The following RORA variants were observed in gnomAD, a reference collection of about 807,000 sequenced individuals.
RORA encodes the protein RAR related orphan receptor A.
In RORA, 7 loss-of-function variants were observed where a neutral mutation model predicts 69.5. That is an observed-to-expected ratio of 0.10 (90% CI 0.06 to 0.19). The LOEUF (loss-of-function observed/expected upper bound fraction) is 0.19. Ranked by LOEUF, RORA falls within the 10% of genes least tolerant of loss-of-function variation. RORA has a pLI of 1.00. For missense variants in RORA, 457 were observed against 663.0 expected (o/e 0.69, Z 3.41); for synonymous variants, 261 against 240.8 (o/e 1.08, Z -0.78).
chr15:60,771,252 C>T (rs2072069143), intron 1 of RORA, among the ~76,000 whole-genome samples: 1 of 152,158 alleles, frequency 6.6e-6, no homozygotes, highest in African/African-American at 2.4e-5. Context: ...TTCCTTCTCT[C>T]GCCCTGGATT....
intron 2 of RORA, among the ~76,000 whole-genome samples, chr15:60,609,142 A>G (rs1025525236): frequency 2.0e-5 from 3 of 152,194 alleles, no homozygotes; most frequent in Non-Finnish European, 2.9e-5. Context: ...TTGCTTACCA[A>G]TAGCAGAAAG....
chr15:60,502,762 A>G lies in RORA; in HGVS notation c.1181T>C (p.Leu394Ser). 6.2e-7 allele frequency: 1 copy of G among 1,600,498 alleles called. No individual in the cohort carries two copies. ...KYASPDVFKS[L>S]GCEDFISFVF... is the part of the protein sequence containing the mutation. ...AAGGCACCTTGATATCCCCTTACCT[A>G]AGGATTTGAAGACGTCGGGGCTGGC... Residue 394 changes from leucine (L) to serine (S), a missense_variant and splice_region_variant, in exon 8 of 11, where the codon TTA becomes TCA. Transcript: ENST00000335670.
intron 1 of RORA, among the ~76,000 whole-genome samples, chr15:60,946,314 A>G (rs1203377426): frequency 6.6e-6 from 1 of 151,900 alleles, no homozygotes; most frequent in East Asian, 1.9e-4. Context: ...CCCTCTGATG[A>G]CGAGCCGAAG....
chr15:61,097,066 T>C (rs940450290), intron 1 of RORA, among the ~76,000 whole-genome samples: 1 of 152,140 alleles, frequency 6.6e-6, no homozygotes, highest in Admixed American at 6.5e-5. Flanking sequence ...TGAAGAATTT[T>C]AAAACAAGGC....
intron 1 of RORA, among the ~76,000 whole-genome samples, chr15:60,824,142 G>A (rs2140382483): frequency 6.6e-6 from 1 of 152,302 alleles, no homozygotes; most frequent in South Asian, 2.1e-4. Flanking sequence ...GGAGTTCCAA[G>A]GAAGAGATCT....
chr15:60,649,715 A>C (rs1442153309), intron 2 of RORA, among the ~76,000 whole-genome samples: 1 of 152,142 alleles, frequency 6.6e-6, no homozygotes, highest in East Asian at 1.9e-4. Flanking sequence ...GGGCGTGTTT[A>C]ATTTGGATTG....
At chr15:61,101,672 G>A (rs2078882042) in intron 1 of RORA, among the ~76,000 whole-genome samples, 1 of 151,832 alleles carries the variant, frequency 6.6e-6, no homozygotes, top group Non-Finnish European at 1.5e-5. Context: ...TGTCCTCAGG[G>A]GAAAAGAAAG....
chr15:61,087,439 C>T, intron 1 of RORA, among the ~76,000 whole-genome samples: 1 of 152,228 alleles, frequency 6.6e-6, no homozygotes, highest in Non-Finnish European at 1.5e-5. Flanking sequence ...CTTTGAAATT[C>T]ACTCAGCTGT....
chr15:60,514,623 A>G lies in RORA; in HGVS notation c.417T>C (p.Ser139=), dbSNP rs747498875. 3.1e-6 allele frequency: 5 copies of G among 1,614,110 alleles called. No homozygotes were observed. The highest frequency in any genetic ancestry group is 4.2e-6 in the Non-Finnish European group (5 of 1,179,972). ...CAAGCTGTGAGAGCTCACCATCTCG[A>G]GACATCCCTACGGCAAGGCATTTCT... is the stretch of plus-strand genomic sequence containing the variant. ...RLQKCLAVGM[S]RDAVKFGRMS... is the part of the protein sequence containing the mutation. Residue 139 remains serine, a synonymous_variant, in exon 4 of 11, where the codon TCT becomes TCC. Transcript: ENST00000335670.
rs1451806280 is a variant in RORA, at chr15:60,491,394, A to G, written c.*6061T>C. ...AAAGTAAAAGAAGTGTGGTACTGCT[A>G]ATGTGGCAAAGTACATTAAATGTAA... On this transcript the variant is annotated 3_prime_UTR_variant, in exon 11 of 11. Coordinates refer to ENST00000335670, the MANE Select transcript of RORA (RefSeq NM_134261.3). The G allele has an allele frequency of 6.6e-6, 1 of 152,146 alleles. No homozygotes were observed. The highest frequency in any genetic ancestry group is 6.5e-5 in the Admixed American group (1 of 15,278). 9.4% of individuals were successfully genotyped at this position (152,146 alleles called of 1,614,324 possible). A position where few individuals can be genotyped will look rare whatever the true frequency, so the allele number is the denominator to read the frequency against.
intron 2 of RORA, among the ~76,000 whole-genome samples, chr15:60,664,818 T>C (rs1353687697): frequency 6.6e-6 from 1 of 152,236 alleles, no homozygotes; most frequent in African/African-American, 2.4e-5. Flanking sequence ...CTCTCATTTA[T>C]GAGCAAGGCT....
At chr15:60,689,513 G>A (rs1360324907) in intron 1 of RORA, among the ~76,000 whole-genome samples, 2 of 151,924 alleles carry the variant, frequency 1.3e-5, no homozygotes, top group African/African-American at 2.4e-5. Context: ...AGGTTGTAAC[G>A]GGTTGAGTTG....
chr15:61,216,539 G>A (rs1042283199), intron 1 of RORA, among the ~76,000 whole-genome samples: 11 of 152,236 alleles, frequency 7.2e-5, no homozygotes, highest in African/African-American at 2.6e-4. Context: ...AAAGGGAAGG[G>A]AGGGCAAGGA....
At chr15:60,900,357 G>A (rs1015087760) in intron 1 of RORA, among the ~76,000 whole-genome samples, 1 of 152,196 alleles carries the variant, frequency 6.6e-6, no homozygotes, top group Non-Finnish European at 1.5e-5. Flanking sequence ...CAGCACACAA[G>A]TTACACAGAC....
At chr15:60,925,670 G>C (rs948256391) in intron 1 of RORA, among the ~76,000 whole-genome samples, 4 of 152,252 alleles carry the variant, frequency 2.6e-5, no homozygotes, top group African/African-American at 9.6e-5. Context: ...GCCATTGGCG[G>C]CTGAGCACTT....
chr15:60,947,189 G>A (rs1160325219), intron 1 of RORA, among the ~76,000 whole-genome samples: 1 of 152,222 alleles, frequency 6.6e-6, no homozygotes, highest in Non-Finnish European at 1.5e-5. Flanking sequence ...CCGTCTGGGA[G>A]GTGTACCCAA....
At chr15:60,592,735 C>T (rs1172075085) in intron 2 of RORA, 23 of 1,088,074 alleles carry the variant, frequency 2.1e-5, no homozygotes, top group Admixed American at 1.1e-4. Flanking sequence ...GCTGGCCCAC[C>T]CCGGCCGGGC....
intron 2 of RORA, among the ~76,000 whole-genome samples, chr15:60,633,743 A>T (rs1437249434): frequency 1.3e-5 from 2 of 152,214 alleles, no homozygotes; most frequent in Non-Finnish European, 2.9e-5. Flanking sequence ...ATGGTGTGAA[A>T]GTGGATGATT....
At chr15:60,529,512 T>C (rs1353302795) in intron 3 of RORA, 1 of 152,204 alleles carries the variant, frequency 6.6e-6, no homozygotes, top group Non-Finnish European at 1.5e-5. Context: ...AATTATGTTT[T>C]ATTTATTTTG....
Sources: gnomAD v4.1 joint callset for allele counts (sites outside exome capture counted in the v4.1 genomes callset) on GRCh38, gnomAD v4.1.1 for gene constraint, MANE v1.5 for transcripts, NCBI Gene and HGNC (gene_info 2026-07-23, HGNC 2026-07-21) for gene names.